Variants in CDH13 observed in about 807,000 individuals in gnomAD.
The protein encoded by CDH13 is cadherin-13.
CDH13 carries 24 observed loss-of-function variants against 63.8 expected under a neutral mutation model. That is an observed-to-expected ratio of 0.38 (90% CI 0.27 to 0.53). CDH13 has a LOEUF of 0.53. CDH13 is among the 20% of genes least tolerant of loss of function. The probability of loss-of-function intolerance (pLI) is 0.85; values close to 1 mark genes in which losing one functional copy is unlikely to be tolerated. For synonymous variants in CDH13, 503 were observed against 355.3 expected, an observed-to-expected ratio of 1.42 and a Z score of -4.67; for missense variants, 1,049 against 903.1, an observed-to-expected ratio of 1.16 and a Z score of -2.07.
chr16:83,680,218 T>C (rs1371401664), intron 10 of CDH13, among the ~76,000 whole-genome samples: 1 of 152,208 alleles, frequency 6.6e-6, no homozygotes, highest in Non-Finnish European at 1.5e-5. Flanking sequence ...TCCAGCTGTT[T>C]TCCATTCTAG....
intron 3 of CDH13, among the ~76,000 whole-genome samples, chr16:83,062,269 A>G (rs539883547): frequency 6.6e-6 from 1 of 152,164 alleles, no homozygotes; most frequent in Non-Finnish European, 1.5e-5. Flanking sequence ...CTATCACAGT[A>G]CCTCACTTGT....
chr16:83,615,197 C>T (rs1040171213), intron 8 of CDH13, among the ~76,000 whole-genome samples: 1 of 152,108 alleles, frequency 6.6e-6, no homozygotes, highest in Non-Finnish European at 1.5e-5. Flanking sequence ...CAAAGAAAAG[C>T]CTCCTACTTG....
intron 7 of CDH13, among the ~76,000 whole-genome samples, chr16:83,594,444 T>C (rs1598344865): frequency 9.2e-6 from 1 of 108,206 alleles, no homozygotes; most frequent in African/African-American, 3.0e-5. Context: ...ATTGACTCCT[T>C]CTTAAATGTC....
At chr16:82,652,642 C>T (rs1910854962) in intron 1 of CDH13, among the ~76,000 whole-genome samples, 2 of 149,794 alleles carry the variant, frequency 1.3e-5, no homozygotes, top group South Asian at 4.2e-4. Flanking sequence ...GCTGCTGCTG[C>T]TGCTGCTGCT....
chr16:82,982,085 C>T (rs773548150), intron 2 of CDH13, among the ~76,000 whole-genome samples: 1 of 152,020 alleles, frequency 6.6e-6, no homozygotes, highest in African/African-American at 2.4e-5. Flanking sequence ...CACTTATTAG[C>T]TAATAAGTGT....
chr16:83,386,553 G>C (rs930294243), intron 6 of CDH13, among the ~76,000 whole-genome samples: 2 of 152,134 alleles, frequency 1.3e-5, no homozygotes, highest in Non-Finnish European at 1.5e-5. Flanking sequence ...CCTATACCCG[G>C]ATAGTATTAC....
intron 1 of CDH13, among the ~76,000 whole-genome samples, chr16:82,763,046 AT>A (rs1173333150): frequency 6.6e-6 from 1 of 152,090 alleles, no homozygotes; most frequent in African/African-American, 2.4e-5. Context: ...ACATTTATAG[AT>A]TTTATATAAG....
chr16:83,653,625 G>T (rs900463710), intron 8 of CDH13, among the ~76,000 whole-genome samples: 6 of 152,190 alleles, frequency 3.9e-5, no homozygotes, highest in Admixed American at 3.9e-4. Context: ...GTGTTGAAGA[G>T]TTGACAGGAA....
chr16:83,368,938 A>ATG lies in CDH13; in HGVS notation c.781+23932_781+23933insTG, dbSNP rs60900726. Among the ~76,000 whole-genome samples the ATG allele has an allele frequency of 6.6e-3, 368 of 55,354 alleles. 25 individuals carry two copies. Among genetic ancestry groups the ATG allele is most frequent in the Non-Finnish European group, 0.01 (305 of 29,822 alleles). 36.3% of individuals were successfully genotyped at this position (55,354 alleles called of 152,430 possible). On this transcript the variant is annotated intron_variant, in intron 6 of 13. Coordinates refer to ENST00000567109, the MANE Select transcript of CDH13 (RefSeq NM_001257.5). ...TATATATATATATATATATATATATACTAGGTTTTTTTAATCTGTTCATTG... is the reference window on the plus strand; with the variant it reads ...TATATATATATATATATATATATATATGCTAGGTTTTTTTAATCTGTTCATTG...
intron 2 of CDH13, among the ~76,000 whole-genome samples, chr16:82,958,933 A>G (rs35355207): frequency 6.6e-6 from 1 of 152,194 alleles, no homozygotes; most frequent in Non-Finnish European, 1.5e-5. Flanking sequence ...TCTACCCCCA[A>G]GGTTTTCCTG....
intron 5 of CDH13, among the ~76,000 whole-genome samples, chr16:83,323,792 C>G (rs887367869): frequency 6.6e-6 from 1 of 152,192 alleles, no homozygotes; most frequent in Admixed American, 6.5e-5. Context: ...CTAGCCCATA[C>G]AGTTTCCTCT....
intron 1 of CDH13, among the ~76,000 whole-genome samples, chr16:82,790,550 A>T (rs1488582563): frequency 1.3e-5 from 2 of 152,184 alleles, no homozygotes; most frequent in Non-Finnish European, 2.9e-5. Context: ...GTCAAGTGAA[A>T]ATAAAGCATA....
At chr16:83,355,218 A>T (rs566173835) in intron 6 of CDH13, among the ~76,000 whole-genome samples, 1 of 152,340 alleles carries the variant, frequency 6.6e-6, no homozygotes, top group East Asian at 1.9e-4. Context: ...GAGAGAAGAG[A>T]TCACATAAAA....
chr16:83,056,725 C>T (rs992432641), intron 3 of CDH13, among the ~76,000 whole-genome samples: 6 of 152,120 alleles, frequency 3.9e-5, no homozygotes, highest in African/African-American at 7.2e-5. Flanking sequence ...CCACATGTCA[C>T]GGGAGGGATC....
intron 4 of CDH13, among the ~76,000 whole-genome samples, chr16:83,185,679 A>G (rs1478684871): frequency 6.6e-6 from 1 of 152,172 alleles, no homozygotes; most frequent in Non-Finnish European, 1.5e-5. Flanking sequence ...GGTCCAATTC[A>G]TTTCTGGAAA....
At chr16:82,781,780 T>TG (rs2035766889) in intron 1 of CDH13, among the ~76,000 whole-genome samples, 1 of 152,110 alleles carries the variant, frequency 6.6e-6, no homozygotes, top group African/African-American at 2.4e-5. Flanking sequence ...CTGTAAGCAT[T>TG]GGTAATAAAG....
intron 5 of CDH13, among the ~76,000 whole-genome samples, chr16:83,311,623 A>C (rs2090002464): frequency 1.3e-5 from 2 of 152,240 alleles, no homozygotes; most frequent in Non-Finnish European, 2.9e-5. Flanking sequence ...CAGTTCATGC[A>C]GTTACTAACA....
At chr16:83,421,895 C>T (rs926786514) in intron 6 of CDH13, among the ~76,000 whole-genome samples, 1 of 152,200 alleles carries the variant, frequency 6.6e-6, no homozygotes, top group African/African-American at 2.4e-5. Context: ...AGCACCTTCT[C>T]ATGAAAGCAG....
intron 4 of CDH13, among the ~76,000 whole-genome samples, chr16:83,189,153 CTT>C (rs34639020): frequency 0.041 from 6,201 of 152,242 alleles, 164 homozygotes; most frequent in East Asian, 0.1. Flanking sequence ...AAAGCGGTCA[CTT>C]TGTTCGGTGT....
Sources: gnomAD v4.1 joint callset for allele counts (sites outside exome capture counted in the v4.1 genomes callset) on GRCh38, gnomAD v4.1.1 for gene constraint, MANE v1.5 for transcripts, NCBI Gene and HGNC (gene_info 2026-07-23, HGNC 2026-07-21) for gene names.